The following TRARG1 variants were observed in gnomAD, a reference collection of about 807,000 sequenced individuals.
The protein encoded by TRARG1 is trafficking regulator of GLUT4 1.
A neutral mutation model predicts 13.3 loss-of-function variants in TRARG1; 16 were observed. The ratio of observed to expected loss-of-function variants is 1.20; its 90% CI spans 0.81 to 1.83. The LOEUF (loss-of-function observed/expected upper bound fraction) is 1.83, where lower values mean the gene tolerates loss of function less well. Among genes scored for constraint, TRARG1 ranks in the 40% most tolerant of loss-of-function variants. The probability of loss-of-function intolerance (pLI) is 0.00; values close to 1 mark genes in which losing one functional copy is unlikely to be tolerated. For missense variants in TRARG1, 250 were observed against 237.4 expected (o/e 1.05, Z -0.35); for synonymous variants, 113 against 106.2 (o/e 1.06, Z -0.39).
intron 1 of TRARG1, 43 bp from the exon 2 acceptor site, chr17:1,295,448 C>T (rs1238473039): frequency 1.9e-6 from 3 of 1,550,996 alleles, no homozygotes; most frequent in East Asian, 2.3e-5. Flanking sequence ...AGCTGACCCA[C>T]AGCCTTCCCG....
At chr17:1,294,692 T>G (rs1159233492) in intron 1 of TRARG1, among the ~76,000 whole-genome samples, 5 of 22,918 alleles carry the variant, frequency 2.2e-4, no homozygotes, top group Non-Finnish European at 4.0e-4. Context: ...TCTCAAACTC[T>G]TTTTTTTTTT....
At chr17:1,289,255 G>A (rs1451731154) in intron 1 of TRARG1, among the ~76,000 whole-genome samples, 2 of 4,872 alleles carry the variant, frequency 4.1e-4, no homozygotes, top group Non-Finnish European at 6.3e-4. Flanking sequence ...ATCCCCCACC[G>A]GGTTCCTCAT....
At position 1,298,598 on chromosome 17, in the gene TRARG1, T is replaced by C. The variant is rs1207156458; in HGVS notation, c.*334T>C. ...AAGCAGCGAAAACTGCCAGGATGAATGAGGAAAAAACCCAGCCCCACAAAC... is the reference window on the plus strand; with the variant it reads ...AAGCAGCGAAAACTGCCAGGATGAACGAGGAAAAAACCCAGCCCCACAAAC... On this transcript the variant is annotated 3_prime_UTR_variant, in exon 3 of 3. Coordinates refer to ENST00000333813, the MANE Select transcript of TRARG1 (RefSeq NM_172367.3). 6 of 343,150 alleles carry C rather than the reference T, an allele frequency of 1.7e-5. No individual in the cohort carries two copies. The East Asian group carries it at 2.7e-4, about 16-fold the overall frequency. 21.3% of individuals were successfully genotyped at this position (343,150 alleles called of 1,614,324 possible). A position where few individuals can be genotyped will look rare whatever the true frequency, so the allele number is the denominator to read the frequency against.
In TRARG1 at chr17:1,299,743, A is replaced by T. The variant is rs1012930449; in HGVS notation, c.*1479A>T. On this transcript the variant is annotated 3_prime_UTR_variant, in exon 3 of 3. Transcript: ENST00000333813. ...CAGCCAGAGTCAATGCCTTCATGGG[A>T]AGGGCTCCCAGCCACACCCAGAGTG... 1 of 152,350 alleles carries T rather than the reference A, an allele frequency of 6.6e-6. No individual in the cohort carries two copies. The highest frequency in any genetic ancestry group is 1.5e-5 in the Non-Finnish European group (1 of 68,242). The allele number at this position is 152,350 out of a possible 1,614,324, so 9.4% of individuals were successfully genotyped here. A position where few individuals can be genotyped will look rare whatever the true frequency, so the allele number is the denominator to read the frequency against.
rs776764192 is a variant in TRARG1 at position 1,298,263 on chromosome 17, A to G, written c.533A>G (p.Ter178=). The change falls in exon 3 of 3, where the codon TAA becomes TGA. Residue 178 remains the stop codon, a stop_retained_variant. Transcript: ENST00000333813. ...VTVNFTVQKK[*] is the part of the protein sequence containing the mutation. ...TTTTTCTTTACAGTTCAGAAGAAAT[A>G]AACTTAAGCAGGGAGCTGGGCTAGC... 6.2e-7 allele frequency: 1 copy of G among 1,613,644 alleles called. No individual in the cohort carries two copies. The highest frequency in any genetic ancestry group is 8.5e-7 in the Non-Finnish European group (1 of 1,179,814).
At position 1,282,181 on chromosome 17, in the gene TRARG1, CGT is replaced by C. The variant is rs1567928079; in HGVS notation, c.387+1794_387+1795del. ...GTGCATATATGTACGTATACACGTG[CGT>C]ATATGTACGTGTACACGTGCGTATA... On this transcript the variant is annotated intron_variant, in intron 1 of 2. Transcript: ENST00000333813. 8.9e-3 allele frequency among the ~76,000 whole-genome samples: 1,263 copies of C among 141,312 alleles called. 51 individuals carry two copies. The highest frequency in any genetic ancestry group is 0.034 in the African/African-American group (1,176 of 34,214). The allele number at this position is 141,312 out of a possible 152,430, so 92.7% of individuals were successfully genotyped here.
chr17:1,288,366 CTCCCCATCCCCCAT>C (rs2072039817), intron 1 of TRARG1, among the ~76,000 whole-genome samples: 1 of 56,890 alleles, frequency 1.8e-5, no homozygotes, highest in Non-Finnish European at 2.9e-5. Context: ...CCCCCATGGG[CTCCCCATCCCCCAT>C]GGGCTCCTCA....
At chr17:1,281,129 A>G (rs1057224001) in intron 1 of TRARG1, among the ~76,000 whole-genome samples, 10 of 152,120 alleles carry the variant, frequency 6.6e-5, no homozygotes, top group Admixed American at 2.0e-4. Flanking sequence ...CTTCCATGGG[A>G]TTTTGAATGA....
chr17:1,284,839 C>A (rs930903353), intron 1 of TRARG1, among the ~76,000 whole-genome samples: 3 of 152,002 alleles, frequency 2.0e-5, no homozygotes, highest in African/African-American at 7.2e-5. Flanking sequence ...CGCCACCACA[C>A]CCTGCTAATT....
chr17:1,282,314 A>G (rs1431064082), intron 1 of TRARG1, among the ~76,000 whole-genome samples: 3 of 115,716 alleles, frequency 2.6e-5, no homozygotes, highest in Non-Finnish European at 4.1e-5. Flanking sequence ...ACATATGCGT[A>G]TATATGTACA....
rs191486304 is a variant in TRARG1, at chr17:1,288,508, G to A, written c.388-6983G>A. The stretch of plus-strand genomic sequence containing the variant: ...CCCCCATGGGTTTCCCATCCCCCAC[G>A]GGCTCCCCATCCCCCTCCAGCTTCT... On this transcript the variant is annotated intron_variant, in intron 1 of 2. Coordinates refer to ENST00000333813, the MANE Select transcript of TRARG1 (RefSeq NM_172367.3). 7.4e-3 allele frequency among the ~76,000 whole-genome samples: 384 copies of A among 51,944 alleles called. 1 individual carries two copies. Among genetic ancestry groups the A allele is most frequent in the Admixed American group, 0.012 (46 of 3,706 alleles). 34.1% of individuals were successfully genotyped at this position (51,944 alleles called of 152,430 possible).
chr17:1,291,245 G>A (rs1161472285), intron 1 of TRARG1, among the ~76,000 whole-genome samples: 2 of 152,064 alleles, frequency 1.3e-5, no homozygotes, highest in Non-Finnish European at 2.9e-5. Context: ...TGAGTAGCGG[G>A]GATTACAGGC....
intron 1 of TRARG1, among the ~76,000 whole-genome samples, chr17:1,281,987 T>A (rs560723774): frequency 8.1e-6 from 1 of 124,200 alleles, no homozygotes; most frequent in Non-Finnish European, 1.8e-5. Context: ...TACATATATG[T>A]ACATATATAC....
rs751612835 is a variant in TRARG1, at chr17:1,282,212, A to G, written c.387+1824A>G. Among the ~76,000 whole-genome samples, 187 of 96,540 alleles carry G rather than the reference A, an allele frequency of 1.9e-3. 10 individuals are homozygous for G. The highest frequency in any genetic ancestry group is 4.4e-3 in the South Asian group (13 of 2,962). The allele number at this position is 96,540 out of a possible 152,430, so 63.3% of individuals were successfully genotyped here. On this transcript the variant is annotated intron_variant, in intron 1 of 2. Coordinates refer to ENST00000333813, the MANE Select transcript of TRARG1 (RefSeq NM_172367.3). ...TGTACGTGTACACGTGCGTATATGT[A>G]CGTATACACGTGCGTATATGTACGT... is the stretch of plus-strand genomic sequence containing the variant.
chr17:1,298,182 T>C, intron 2 of TRARG1, 69 bp from the exon 3 acceptor site: 1 of 1,603,760 alleles, frequency 6.2e-7, no homozygotes, highest in Non-Finnish European at 8.5e-7. Flanking sequence ...ACCCAAATCC[T>C]CCAGTCAGGG....
chr17:1,294,322 C>T (rs1429156429), intron 1 of TRARG1, among the ~76,000 whole-genome samples: 2 of 152,082 alleles, frequency 1.3e-5, no homozygotes, highest in East Asian at 1.9e-4. Flanking sequence ...TAAAACAAGG[C>T]CCCCGTGAAG....
rs766881985 is a variant in TRARG1, at chr17:1,280,328, C to G, written c.327C>G (p.Val109=). 1 of 1,613,416 alleles carries G rather than the reference C, an allele frequency of 6.2e-7. No homozygotes were observed. Among genetic ancestry groups the G allele is most frequent in the Non-Finnish European group, 8.5e-7 (1 of 1,179,784 alleles). Residue 109 remains valine, a synonymous_variant, in exon 1 of 3, where the codon GTC becomes GTG. Transcript: ENST00000333813. ...EAPRDYLILA[V]VACFCPVWPL... is the part of the protein sequence containing the mutation. ...CCAGAGATTACCTCATCCTGGCCGT[C>G]GTCGCCTGCTTCTGCCCCGTCTGGC...
At position 1,296,419 on chromosome 17, in the gene TRARG1, T is replaced by A. The variant is rs539735323; in HGVS notation, c.520+796T>A. ...CATGTTGGCCAGGTTGGTCTCGAAC[T>A]CCTGACCTCAGGTTATCCACCCACC... is the stretch of plus-strand genomic sequence containing the variant. On this transcript the variant is annotated intron_variant, in intron 2 of 2. Transcript: ENST00000333813. Among the ~76,000 whole-genome samples the A allele has an allele frequency of 1.9e-4, 29 of 151,942 alleles. 1 individual carries two copies. The South Asian group carries it at 6.0e-3, about 32-fold the overall frequency.
intron 1 of TRARG1, among the ~76,000 whole-genome samples, chr17:1,289,815 C>T (rs2072057623): frequency 6.6e-6 from 1 of 152,126 alleles, no homozygotes; most frequent in South Asian, 2.1e-4. Flanking sequence ...TCATGGCACC[C>T]CGCACCTCTG....
Sources: gnomAD v4.1 joint callset for allele counts (sites outside exome capture counted in the v4.1 genomes callset) on GRCh38, gnomAD v4.1.1 for gene constraint, MANE v1.5 for transcripts, NCBI Gene and HGNC (gene_info 2026-07-23, HGNC 2026-07-21) for gene names.